ITGA9: variants seen among roughly 807,000 people sequenced by gnomAD.
ITGA9 encodes the protein integrin subunit alpha 9, also known as integrin alpha-9.
Under a neutral mutation model 127.8 loss-of-function variants are expected in ITGA9, and 56 were observed. That is an observed-to-expected ratio of 0.44 (90% CI 0.35 to 0.55). The LOEUF (loss-of-function observed/expected upper bound fraction) is 0.55, where lower values mean the gene tolerates loss of function less well. Among genes scored for constraint, ITGA9 ranks in the 20% least tolerant of loss-of-function variants. The probability of loss-of-function intolerance (pLI) is 0.00; values close to 1 mark genes in which losing one functional copy is unlikely to be tolerated. For missense variants in ITGA9, 1,196 were observed against 1,347.1 expected (o/e 0.89, Z 1.76); for synonymous variants, 508 against 514.5 (o/e 0.99, Z 0.17).
chr3:37,816,033 A>G (rs1172719698), intron 27 of ITGA9, among the ~76,000 whole-genome samples: 2 of 152,206 alleles, frequency 1.3e-5, no homozygotes, highest in East Asian at 1.9e-4. Context: ...TGTAACAGAC[A>G]CAACATCTCC....
At chr3:37,535,522 A>G (rs1209596053) in intron 14 of ITGA9, among the ~76,000 whole-genome samples, 2 of 152,216 alleles carry the variant, frequency 1.3e-5, no homozygotes, top group Non-Finnish European at 2.9e-5. Context: ...AGGCTTAGCC[A>G]TAGCCCCAGA....
intron 26 of ITGA9, among the ~76,000 whole-genome samples, chr3:37,787,819 T>C (rs1697059700): frequency 6.6e-6 from 1 of 152,334 alleles, no homozygotes; most frequent in East Asian, 1.9e-4. Flanking sequence ...CAAATTGTTA[T>C]GGCCTTGGAA....
chr3:37,457,243 A>G (rs1698270488), intron 1 of ITGA9, among the ~76,000 whole-genome samples: 1 of 152,312 alleles, frequency 6.6e-6, no homozygotes, highest in African/African-American at 2.4e-5. Context: ...GGGTTCAACA[A>G]TGAAAACTTT....
At chr3:37,580,612 G>A (rs559245430) in intron 15 of ITGA9, among the ~76,000 whole-genome samples, 2 of 152,120 alleles carry the variant, frequency 1.3e-5, no homozygotes, top group African/African-American at 4.8e-5. Context: ...TTAAATGTTC[G>A]CCAGAGCATC....
intron 15 of ITGA9, among the ~76,000 whole-genome samples, chr3:37,564,039 A>G (rs9824674): frequency 0.19 from 29,318 of 152,220 alleles, 3,052 homozygotes; most frequent in African/African-American, 0.24. Flanking sequence ...ATTTTGGAAC[A>G]TAATTGAATT....
chr3:37,533,148 A>G (rs1699173464), intron 13 of ITGA9, among the ~76,000 whole-genome samples, 166 bp from the exon 14 acceptor site: 1 of 152,156 alleles, frequency 6.6e-6, no homozygotes, highest in Non-Finnish European at 1.5e-5. Context: ...CTAAAACCAG[A>G]AAAAAATGCT....
intron 25 of ITGA9, among the ~76,000 whole-genome samples, chr3:37,783,398 G>A (rs1341042598): frequency 6.6e-6 from 1 of 152,168 alleles, no homozygotes; most frequent in African/African-American, 2.4e-5. Context: ...TGGGAGTACA[G>A]TGGCTCAATC....
chr3:37,584,081 G>GC (rs1179224032), intron 15 of ITGA9, among the ~76,000 whole-genome samples: 1 of 152,120 alleles, frequency 6.6e-6, no homozygotes, highest in African/African-American at 2.4e-5. Context: ...ATAACAAACT[G>GC]CCCCACAACT....
At chr3:37,812,706 G>T (rs1369217199) in intron 27 of ITGA9, among the ~76,000 whole-genome samples, 1 of 152,240 alleles carries the variant, frequency 6.6e-6, no homozygotes, top group Non-Finnish European at 1.5e-5. Flanking sequence ...TTCCAGCCAA[G>T]CAAAGCTTGG....
chr3:37,602,762 T>G (rs965022093), intron 15 of ITGA9, among the ~76,000 whole-genome samples: 2 of 152,198 alleles, frequency 1.3e-5, no homozygotes, highest in Non-Finnish European at 2.9e-5. Flanking sequence ...CATTATCTCA[T>G]TTAATCAAAA....
At chr3:37,748,402 C>A (rs1181509095) in intron 22 of ITGA9, 17 of 597,008 alleles carry the variant, frequency 2.8e-5, no homozygotes, top group Non-Finnish European at 5.0e-5. Context: ...GCACATTAAG[C>A]ACTCTAAGAG....
chr3:37,776,956 A>G (rs972395587), intron 23 of ITGA9, among the ~76,000 whole-genome samples: 1 of 152,194 alleles, frequency 6.6e-6, no homozygotes, highest in African/African-American at 2.4e-5. Flanking sequence ...CAGATCATCC[A>G]TCAGGCTTGG....
intron 15 of ITGA9, among the ~76,000 whole-genome samples, chr3:37,564,884 C>T (rs1005330299): frequency 2.0e-5 from 3 of 152,176 alleles, no homozygotes; most frequent in Admixed American, 6.5e-5. Context: ...CATTCTGAAA[C>T]ACCAACCCTT....
intron 14 of ITGA9, among the ~76,000 whole-genome samples, chr3:37,536,276 G>A (rs1699207519): frequency 6.6e-6 from 1 of 152,234 alleles, no homozygotes; most frequent in Non-Finnish European, 1.5e-5. Context: ...GAACCATGTG[G>A]ATGATGACTT....
intron 15 of ITGA9, among the ~76,000 whole-genome samples, chr3:37,627,661 T>G (rs1700189308): frequency 6.6e-6 from 1 of 152,148 alleles, no homozygotes; most frequent in East Asian, 1.9e-4. Context: ...GGAACTGAGG[T>G]TCATAGGACC....
At chr3:37,635,559 T>G (rs1047375541) in intron 16 of ITGA9, among the ~76,000 whole-genome samples, 1 of 123,350 alleles carries the variant, frequency 8.1e-6, no homozygotes. Context: ...AAATGAAAAT[T>G]GTTTTTATTT....
intron 5 of ITGA9, among the ~76,000 whole-genome samples, chr3:37,499,302 G>GTAGATC (rs1280998768): frequency 6.6e-6 from 1 of 152,228 alleles, no homozygotes; most frequent in Admixed American, 6.5e-5. Flanking sequence ...GACTTCTGTT[G>GTAGATC]TAGATCCCGG....
chr3:37,652,489 G>GA (rs1297060915), intron 16 of ITGA9, among the ~76,000 whole-genome samples: 5 of 152,170 alleles, frequency 3.3e-5, no homozygotes, highest in African/African-American at 1.2e-4. Context: ...TCAAGGAAGG[G>GA]AGTGTTGGCT....
intron 17 of ITGA9, among the ~76,000 whole-genome samples, chr3:37,680,821 C>G (rs988814222): frequency 3.3e-5 from 5 of 152,184 alleles, no homozygotes; most frequent in Non-Finnish European, 5.9e-5. Context: ...CAGAAATAAC[C>G]TATCCACTGT....
Sources: gnomAD v4.1 joint callset for allele counts (sites outside exome capture counted in the v4.1 genomes callset) on GRCh38, gnomAD v4.1.1 for gene constraint, MANE v1.5 for transcripts, NCBI Gene and HGNC (gene_info 2026-07-23, HGNC 2026-07-21) for gene names.